FAT3: variants seen among roughly 807,000 people sequenced by gnomAD.
FAT3 encodes FAT atypical cadherin 3, also known as protocadherin Fat 3.
Under a neutral mutation model 310.2 loss-of-function variants are expected in FAT3, and 95 were observed. The observed-to-expected ratio is 0.31, with a 90% CI of 0.26 to 0.36. The LOEUF (loss-of-function observed/expected upper bound fraction) is 0.36, where lower values mean the gene tolerates loss of function less well. FAT3 is among the 10% of genes least tolerant of loss of function. The pLI is 1.00. For missense variants in FAT3, 5,408 were observed against 5,715.6 expected (o/e 0.95, Z 1.74); for synonymous variants, 2,314 against 2,192.9 (o/e 1.06, Z -1.54).
At chr11:92,323,443 G>A (rs1258415072) in intron 1 of FAT3, among the ~76,000 whole-genome samples, 1 of 151,926 alleles carries the variant, frequency 6.6e-6, no homozygotes, top group East Asian at 1.9e-4. Flanking sequence ...TGTAGAAACA[G>A]GATCTTTCTA....
chr11:92,274,830 C>T (rs1946221927), intron 1 of FAT3, among the ~76,000 whole-genome samples: 1 of 151,888 alleles, frequency 6.6e-6, no homozygotes, highest in South Asian at 2.1e-4. Flanking sequence ...GGCACTTTTT[C>T]TTATATGTTT....
intron 1 of FAT3, among the ~76,000 whole-genome samples, chr11:92,244,345 AAAC>A (rs1329065323): frequency 6.6e-6 from 1 of 152,104 alleles, no homozygotes; most frequent in Non-Finnish European, 1.5e-5. Context: ...TAAATTTGAA[AAAC>A]AACAACTAAT....
chr11:92,506,923 TA>T (rs370576537), intron 2 of FAT3, among the ~76,000 whole-genome samples: 48 of 152,316 alleles, frequency 3.2e-4, no homozygotes, highest in African/African-American at 1.1e-3. Context: ...AGGCTAATAT[TA>T]AAAACAGCCT....
At chr11:92,307,683 A>G (rs990586670) in intron 1 of FAT3, among the ~76,000 whole-genome samples, 1 of 152,176 alleles carries the variant, frequency 6.6e-6, no homozygotes, top group Non-Finnish European at 1.5e-5. Context: ...AAGAAGAGGC[A>G]AATTTTGCAT....
chr11:92,420,588 TG>T (rs549540805), intron 2 of FAT3, among the ~76,000 whole-genome samples: 2 of 152,098 alleles, frequency 1.3e-5, no homozygotes, highest in Non-Finnish European at 2.9e-5. Flanking sequence ...AACTCCTTGA[TG>T]GGGGGGTTAA....
intron 1 of FAT3, among the ~76,000 whole-genome samples, chr11:92,310,192 T>A (rs1159320331): frequency 6.6e-6 from 1 of 152,194 alleles, no homozygotes; most frequent in Non-Finnish European, 1.5e-5. Context: ...TGTGATCTTA[T>A]CCCAAGATAA....
In FAT3 at chr11:92,381,745, T is replaced by C. The variant is rs569023150; in HGVS notation, c.3292+26341T>C. On this transcript the variant is annotated intron_variant, in intron 2 of 27. Transcript: ENST00000525166. Reference sequence around the variant, plus strand: ...ATTTGGGATTTTTTGGTGAATTATATTAACAGTCCAGGAAAAATGAAAAAA... The same window carrying C: ...ATTTGGGATTTTTTGGTGAATTATACTAACAGTCCAGGAAAAATGAAAAAA... 1.8e-4 allele frequency among the ~76,000 whole-genome samples: 28 copies of C among 152,334 alleles called. No homozygotes were observed. The South Asian group carries it at 5.8e-3, about 32-fold the overall frequency.
At chr11:92,257,888 A>G (rs893240877) in intron 1 of FAT3, among the ~76,000 whole-genome samples, 1 of 152,134 alleles carries the variant, frequency 6.6e-6, no homozygotes, top group African/African-American at 2.4e-5. Context: ...TTTGCATACC[A>G]GAGTTTCCTG....
At chr11:92,865,245 G>C (rs940940536) in intron 21 of FAT3, among the ~76,000 whole-genome samples, 1 of 152,204 alleles carries the variant, frequency 6.6e-6, no homozygotes, top group Non-Finnish European at 1.5e-5. Context: ...TCAGTTGTCT[G>C]TACTGAAGCA....
intron 2 of FAT3, among the ~76,000 whole-genome samples, chr11:92,479,573 C>G (rs1208480055): frequency 6.6e-6 from 1 of 152,090 alleles, no homozygotes; most frequent in East Asian, 1.9e-4. Context: ...GCTGTCCTTC[C>G]CATTCTGCCT....
Position 92,890,384 on chromosome 11 carries a change from T to C in FAT3, c.13148-107T>C. 3 of 1,341,752 alleles carry C rather than the reference T, an allele frequency of 2.2e-6. No individual in the cohort carries two copies. The South Asian group carries it at 4.5e-5, about 20-fold the overall frequency. The allele number at this position is 1,341,752 out of a possible 1,614,324, so 83.1% of individuals were successfully genotyped here. The stretch of plus-strand genomic sequence containing the variant: ...ACCCTTGTAATAAGCTTCTTAGGGT[T>C]TCTTGGATGCTAAAAATTGCATGTC... On this transcript the variant is annotated intron_variant, in intron 27 of 27. Coordinates refer to ENST00000525166, the MANE Select transcript of FAT3 (RefSeq NM_001367949.2).
chr11:92,875,810 G>C (rs1040807441), intron 22 of FAT3, among the ~76,000 whole-genome samples: 3 of 152,188 alleles, frequency 2.0e-5, no homozygotes, highest in Admixed American at 6.5e-5. Context: ...GCATCAAGTA[G>C]TGCTAGATAC....
intron 20 of FAT3, 55 bp downstream of exon 20, chr11:92,857,403 C>T: frequency 1.9e-6 from 3 of 1,606,506 alleles, no homozygotes; most frequent in Non-Finnish European, 2.6e-6. Context: ...GAAACACTTG[C>T]CCTTGAGTAA....
intron 2 of FAT3, among the ~76,000 whole-genome samples, chr11:92,421,514 G>T (rs1479298231): frequency 6.6e-6 from 1 of 152,160 alleles, no homozygotes; most frequent in Non-Finnish European, 1.5e-5. Context: ...GCAAGTGACC[G>T]TGTGTATGGT....
chr11:92,591,640 G>T (rs1405316144), intron 3 of FAT3, among the ~76,000 whole-genome samples: 2 of 152,024 alleles, frequency 1.3e-5, no homozygotes, highest in Non-Finnish European at 2.9e-5. Flanking sequence ...AGACTAGGAG[G>T]AATACCAAGT....
chr11:92,646,439 G>A (rs1458688037), intron 3 of FAT3, among the ~76,000 whole-genome samples: 1 of 152,152 alleles, frequency 6.6e-6, no homozygotes, highest in African/African-American at 2.4e-5. Context: ...AGTCACCAAG[G>A]CCAGCCCAGA....
rs985888269 is a variant in FAT3, at chr11:92,816,086, C to A, written c.9481+6010C>A. On this transcript the variant is annotated intron_variant, in intron 13 of 27. Transcript: ENST00000525166. ...CTGGGACAACTCAGGAAGGATTCACCAAATGGTATTAGCACTTACCAAAAT... is the reference window on the plus strand; with the variant it reads ...CTGGGACAACTCAGGAAGGATTCACAAAATGGTATTAGCACTTACCAAAAT... Among the ~76,000 whole-genome samples, 7 of 152,126 alleles carry A rather than the reference C, an allele frequency of 4.6e-5. No homozygotes were observed. In the South Asian group the frequency reaches 6.2e-4, roughly 14 times the overall value.
At chr11:92,560,885 C>T (rs1213178465) in intron 3 of FAT3, among the ~76,000 whole-genome samples, 1 of 152,028 alleles carries the variant, frequency 6.6e-6, no homozygotes, top group Non-Finnish European at 1.5e-5. Flanking sequence ...TCCATTGTTC[C>T]CTCTAATTGG....
chr11:92,767,310 T>A (rs1434546920), intron 6 of FAT3, among the ~76,000 whole-genome samples: 1 of 150,368 alleles, frequency 6.7e-6, no homozygotes, highest in Admixed American at 6.6e-5. Context: ...GGCAACAGAA[T>A]GTCTAGTGTG....
Sources: gnomAD v4.1 joint callset for allele counts (sites outside exome capture counted in the v4.1 genomes callset) on GRCh38, gnomAD v4.1.1 for gene constraint, MANE v1.5 for transcripts, NCBI Gene and HGNC (gene_info 2026-07-23, HGNC 2026-07-21) for gene names.